Variants in RFX7 observed in about 807,000 individuals in gnomAD.
The protein encoded by RFX7 is DNA-binding protein RFX7.
A neutral mutation model predicts 111.8 loss-of-function variants in RFX7; 26 were observed. That is an observed-to-expected ratio of 0.23 (90% CI 0.17 to 0.32). RFX7 has a LOEUF of 0.32. RFX7 is among the 10% of genes least tolerant of loss of function. RFX7 has a pLI of 1.00. For synonymous variants in RFX7, 624 were observed against 624.4 expected (o/e 1.00, Z 0.01); for missense variants, 1,573 against 1,772.9 (o/e 0.89, Z 2.02).
rs2041633568 is a variant in RFX7, at chr15:56,093,911, G to C, written c.3817C>G (p.Leu1273Val). The C allele has an allele frequency of 1.2e-6, 2 of 1,613,878 alleles. No homozygotes were observed. The highest frequency in any genetic ancestry group is 3.3e-5 in the Admixed American group (2 of 60,006). ...DAVRGLGMNN[L>V]PSNYTARMNL... is the part of the protein sequence containing the mutation. The stretch of plus-strand genomic sequence containing the variant: ...ATCCGGGCTGTATAATTAGAGGGCA[G>C]GTTGTTCATTCCCAAACCTCTCACT... Residue 1273 changes from leucine (L) to valine (V), a missense_variant, in exon 10 of 10, where the codon CTG becomes GTG. Leu to Val is a conservative substitution (Grantham distance 32). Transcript: ENST00000559447.
intron 8 of RFX7, among the ~76,000 whole-genome samples, chr15:56,100,621 T>C (rs1008587782): frequency 2.4e-4 from 37 of 152,326 alleles, no homozygotes; most frequent in African/African-American, 8.4e-4. Context: ...GATCACTATA[T>C]CACTACATTT....
At chr15:56,184,934 T>A (rs183703715) in intron 2 of RFX7, among the ~76,000 whole-genome samples, 1 of 152,324 alleles carries the variant, frequency 6.6e-6, no homozygotes, top group Admixed American at 6.5e-5. Flanking sequence ...TATCTATGTA[T>A]CTTTTTAAAA....
At chr15:56,111,118 T>C (rs2041923741) in intron 5 of RFX7, among the ~76,000 whole-genome samples, 1 of 137,208 alleles carries the variant, frequency 7.3e-6, no homozygotes, top group Admixed American at 7.4e-5. Flanking sequence ...GGAGCCCCTC[T>C]GCCCGGCCAC....
rs755127347 is a variant in RFX7 at position 56,103,686 on chromosome 15, G to A, written c.402-16C>T. ...ACAATAGCTCCTGCAAAAGAAGGAAGGACCAATTTAGAGTGACAGAATTCA... is the reference window on the plus strand; with the variant it reads ...ACAATAGCTCCTGCAAAAGAAGGAAAGACCAATTTAGAGTGACAGAATTCA... On this transcript the variant is annotated splice_polypyrimidine_tract_variant and intron_variant, in intron 5 of 9. Coordinates refer to ENST00000559447, the MANE Select transcript of RFX7 (RefSeq NM_022841.7). 12 of 1,475,280 alleles carry A rather than the reference G, an allele frequency of 8.1e-6. No homozygotes were observed. The highest frequency in any genetic ancestry group is 9.3e-6 in the Non-Finnish European group (10 of 1,071,544). The allele number at this position is 1,475,280 out of a possible 1,614,324, so 91.4% of individuals were successfully genotyped here.
intron 3 of RFX7, among the ~76,000 whole-genome samples, chr15:56,154,753 A>G (rs1268721815): frequency 6.6e-6 from 1 of 152,246 alleles, no homozygotes; most frequent in East Asian, 1.9e-4. Flanking sequence ...ACCAAAAGCA[A>G]TGGCAACAAA....
intron 5 of RFX7, among the ~76,000 whole-genome samples, chr15:56,131,241 A>C (rs1288064743): frequency 6.7e-6 from 1 of 149,708 alleles, no homozygotes; most frequent in Non-Finnish European, 1.5e-5. Context: ...GAGGACATTC[A>C]TTCTAGAAAT....
At chr15:56,137,297 G>T (rs1261954490) in intron 5 of RFX7, among the ~76,000 whole-genome samples, 3 of 152,178 alleles carry the variant, frequency 2.0e-5, no homozygotes, top group South Asian at 2.1e-4. Context: ...TTCAGATCCT[G>T]TTATTGGTCT....
intron 2 of RFX7, among the ~76,000 whole-genome samples, chr15:56,226,726 G>A (rs1194844537): frequency 1.3e-5 from 2 of 152,102 alleles, no homozygotes; most frequent in Non-Finnish European, 2.9e-5. Context: ...ATAAAAGTGG[G>A]ACCCTGATGT....
At chr15:56,222,385 C>T (rs1335327640) in intron 2 of RFX7, among the ~76,000 whole-genome samples, 2 of 152,148 alleles carry the variant, frequency 1.3e-5, no homozygotes, top group African/African-American at 2.4e-5. Context: ...TTGCTGACCT[C>T]CAATGATATG....
At chr15:56,123,831 C>A (rs114573546) in intron 5 of RFX7, among the ~76,000 whole-genome samples, 59 of 152,250 alleles carry the variant, frequency 3.9e-4, no homozygotes, top group African/African-American at 1.4e-3. Flanking sequence ...CCACTGTTGG[C>A]GGCACTGAGT....
At chr15:56,238,393 T>C (rs2043648129) in intron 2 of RFX7, among the ~76,000 whole-genome samples, 1 of 152,224 alleles carries the variant, frequency 6.6e-6, no homozygotes, top group South Asian at 2.1e-4. Flanking sequence ...ATATATATAA[T>C]TCTACTTTTA....
intron 2 of RFX7, among the ~76,000 whole-genome samples, chr15:56,218,144 CTTTTTTTTTT>C (rs869249448): frequency 1.7e-4 from 10 of 57,974 alleles, no homozygotes; most frequent in Non-Finnish European, 2.4e-4. Flanking sequence ...AAATGATTTT[CTTTTTTTTTT>C]TTTTTTTTTT....
At chr15:56,203,143 A>G (rs904322137) in intron 2 of RFX7, among the ~76,000 whole-genome samples, 3 of 152,224 alleles carry the variant, frequency 2.0e-5, no homozygotes, top group African/African-American at 4.8e-5. Flanking sequence ...TTATAATAGA[A>G]CATGGGCAGG....
intron 2 of RFX7, among the ~76,000 whole-genome samples, chr15:56,236,608 A>T (rs12595496): frequency 3.3e-5 from 5 of 152,172 alleles, no homozygotes; most frequent in Non-Finnish European, 7.4e-5. Context: ...TTATTAAAAT[A>T]TCTATCCTAG....
intron 3 of RFX7, among the ~76,000 whole-genome samples, chr15:56,160,940 T>C (rs75391484): frequency 0.016 from 2,361 of 152,174 alleles, 30 homozygotes; most frequent in Non-Finnish European, 0.024. Context: ...TAAGAGGAAA[T>C]TGTTTTTCTA....
intron 2 of RFX7, 86 bp downstream of exon 2, chr15:56,243,039 C>CCCA: frequency 3.0e-6 from 2 of 667,442 alleles, no homozygotes; most frequent in South Asian, 1.5e-5. Context: ...CCTCCTCCTC[C>CCCA]GCTCCCCCCG....
Position 56,202,582 on chromosome 15 carries a change from T to C in RFX7, c.162-23279A>G, listed in dbSNP as rs1025290638. 3.3e-5 allele frequency among the ~76,000 whole-genome samples: 5 copies of C among 152,148 alleles called. No homozygotes were observed. In the East Asian group the frequency reaches 7.7e-4, roughly 23 times the overall value. On this transcript the variant is annotated intron_variant, in intron 2 of 9. Transcript: ENST00000559447. The stretch of plus-strand genomic sequence containing the variant: ...ACTTTGGGAGGCTAAGGCAGGAGGA[T>C]TGCTTGAAGCCAGGAGTTTGAAACC...
intron 5 of RFX7, among the ~76,000 whole-genome samples, chr15:56,138,349 G>C (rs1466338565): frequency 6.6e-6 from 1 of 151,124 alleles, no homozygotes; most frequent in Admixed American, 6.6e-5. Flanking sequence ...TTGTTGAATT[G>C]ATCCCTTTAC....
chr15:56,127,520 A>T (rs2042159208), intron 5 of RFX7, among the ~76,000 whole-genome samples: 1 of 149,014 alleles, frequency 6.7e-6, no homozygotes, highest in African/African-American at 2.4e-5. Context: ...TAGAAAAAAA[A>T]GTAAACCCCA....
Sources: gnomAD v4.1 joint callset for allele counts (sites outside exome capture counted in the v4.1 genomes callset) on GRCh38, gnomAD v4.1.1 for gene constraint, MANE v1.5 for transcripts, NCBI Gene and HGNC (gene_info 2026-07-23, HGNC 2026-07-21) for gene names.